Variants in ADGRE5 observed in about 807,000 individuals in gnomAD.
ADGRE5 encodes the protein CD97 molecule.
Under a neutral mutation model 100.3 loss-of-function variants are expected in ADGRE5, and 72 were observed. That is an observed-to-expected ratio of 0.72 (90% CI 0.59 to 0.87). The LOEUF (loss-of-function observed/expected upper bound fraction) is 0.87. Among genes scored for constraint, ADGRE5 ranks in the 40% least tolerant of loss-of-function variants. The pLI is 0.00. For synonymous variants in ADGRE5, 439 were observed against 447.8 expected, an observed-to-expected ratio of 0.98 and a Z score of 0.25; for missense variants, 959 against 1,094.7, an observed-to-expected ratio of 0.88 and a Z score of 1.75.
In ADGRE5 at chr19:14,398,292, A is replaced by C. The variant is rs868788127; in HGVS notation, c.897+153A>C. 15 of 669,550 alleles carry C rather than the reference A, an allele frequency of 2.2e-5. 1 individual carries two copies. In the Middle Eastern group the frequency reaches 2.0e-3, roughly 89 times the overall value. The allele number at this position is 669,550 out of a possible 1,614,324, so 41.5% of individuals were successfully genotyped here. On this transcript the variant is annotated intron_variant, in intron 9 of 19. Transcript: ENST00000242786. The stretch of plus-strand genomic sequence containing the variant: ...CACACACCACATACAGTATGTGCAC[A>C]AACATACACACCCGGACACGTGAAG...
intron 3 of ADGRE5, among the ~76,000 whole-genome samples, chr19:14,389,544 C>A (rs1975519425): frequency 6.6e-6 from 1 of 150,620 alleles, no homozygotes; most frequent in Admixed American, 6.6e-5. Context: ...ACTAGCCTGG[C>A]CAACATGGTG....
At position 14,390,945 on chromosome 19, in the gene ADGRE5, C is replaced by T. The variant is rs141563774; in HGVS notation, c.212C>T (p.Pro71Leu). 30 of 1,614,144 alleles carry T rather than the reference C, an allele frequency of 1.9e-5. No homozygotes were observed. The highest frequency in any genetic ancestry group is 1.1e-4 in the East Asian group (5 of 44,892). The change falls in exon 4 of 20, where the codon CCG becomes CTG. Residue 71 changes from proline (P) to leucine (L), a missense_variant. Pro to Leu is a moderately conservative substitution (Grantham distance 98, BLOSUM62 -3). This residue lies in a region of ADGRE5 where 114 missense variants were observed against 195.7 expected (regional missense o/e 0.58). Transcript: ENST00000242786. ...TCDDINECAT[P>L]SKVSCGKFSD... ...CCAGACATCAACGAGTGTGCAACAC[C>T]GTCGAAAGTGTCATGCGGAAAATTC...
At chr19:14,394,042 G>A (rs1327663789) in intron 4 of ADGRE5, among the ~76,000 whole-genome samples, 2 of 152,188 alleles carry the variant, frequency 1.3e-5, no homozygotes, top group South Asian at 2.1e-4. Flanking sequence ...GGCTAGGGGT[G>A]CCGCCCACCC....
chr19:14,405,734 G>A lies in ADGRE5; in HGVS notation c.1630-14G>A, dbSNP rs200099558. 1.9e-6 allele frequency: 3 copies of A among 1,600,420 alleles called. No homozygotes were observed. The highest frequency in any genetic ancestry group is 1.7e-4 in the Middle Eastern group (1 of 5,994). On this transcript the variant is annotated splice_polypyrimidine_tract_variant and intron_variant, in intron 13 of 19. Transcript: ENST00000242786. The stretch of plus-strand genomic sequence containing the variant: ...TGCCCTGAAGGAACCCTGAGCACCC[G>A]GTGCCACTCCTAGGACTGGAAGCTG...
chr19:14,395,493 C>T (rs1432640493), intron 4 of ADGRE5, among the ~76,000 whole-genome samples: 5 of 152,098 alleles, frequency 3.3e-5, no homozygotes, highest in African/African-American at 1.2e-4. Flanking sequence ...GCAGGGCCCA[C>T]AGGTCTCTGT....
intron 4 of ADGRE5, among the ~76,000 whole-genome samples, chr19:14,394,271 G>A (rs912630640): frequency 3.9e-5 from 6 of 152,278 alleles, no homozygotes; most frequent in Non-Finnish European, 8.8e-5. Context: ...ATGACCAGAG[G>A]TGAGACGCTC....
intron 1 of ADGRE5, among the ~76,000 whole-genome samples, chr19:14,382,099 A>G (rs1040569731): frequency 2.7e-4 from 41 of 151,976 alleles, no homozygotes; most frequent in Admixed American, 2.5e-3. Flanking sequence ...TTTGAATTTG[A>G]TTTTTGTTGT....
rs1041289860 is a variant in ADGRE5, at chr19:14,381,466, C to T, written c.-58C>T. 30 of 1,602,922 alleles carry T rather than the reference C, an allele frequency of 1.9e-5. No homozygotes were observed. Among genetic ancestry groups the T allele is most frequent in the Non-Finnish European group, 2.4e-5 (28 of 1,175,302 alleles). On this transcript the variant is annotated 5_prime_UTR_variant, in exon 1 of 20. The change creates a new upstream start codon in the 5' untranslated region. Coordinates refer to ENST00000242786, the MANE Select transcript of ADGRE5 (RefSeq NM_078481.4). ...TGCACAGCTGCCTAGCCTGTGGAGA[C>T]GGGACAGCCCTGTCCCACTCACTCT...
At chr19:14,381,573 G>C (rs775089878) in intron 1 of ADGRE5, 28 bp downstream of exon 1, 1 of 1,594,230 alleles carries the variant, frequency 6.3e-7, no homozygotes, top group South Asian at 1.1e-5. Context: ...CCGCTGGGAG[G>C]GGCGAGGAAG....
Position 14,393,335 on chromosome 19 carries a change from G to A in ADGRE5, c.346+2256G>A, listed in dbSNP as rs369489220. Among the ~76,000 whole-genome samples, 30 of 152,350 alleles carry A rather than the reference G, an allele frequency of 2.0e-4. No individual in the cohort carries two copies. The East Asian group carries it at 5.8e-3, about 29-fold the overall frequency. On this transcript the variant is annotated intron_variant, in intron 4 of 19. Coordinates refer to ENST00000242786, the MANE Select transcript of ADGRE5 (RefSeq NM_078481.4). ...GGTATCCGTAGGGTGCGAGATCAGA[G>A]AGCAGCTGCAAGGCTCTACCCCTGC...
At position 14,408,276 on chromosome 19, in the gene ADGRE5, C is replaced by A; in HGVS notation, c.*155C>A. The A allele has an allele frequency of 2.4e-6, 2 of 845,580 alleles. No individual in the cohort carries two copies. Among genetic ancestry groups the A allele is most frequent in the Non-Finnish European group, 1.9e-6 (1 of 523,566 alleles). The allele number at this position is 845,580 out of a possible 1,614,324, so 52.4% of individuals were successfully genotyped here. A position where few individuals can be genotyped will look rare whatever the true frequency, so the allele number is the denominator to read the frequency against. ...GGAGGGAGTGGCAGCTATAGTCTGG[C>A]ACCAAAGTCCAGGACACCCAGTGGG... On this transcript the variant is annotated 3_prime_UTR_variant, in exon 20 of 20. Transcript: ENST00000242786.
intron 4 of ADGRE5, among the ~76,000 whole-genome samples, chr19:14,393,826 T>C (rs1975684373): frequency 6.6e-6 from 1 of 152,152 alleles, no homozygotes; most frequent in Non-Finnish European, 1.5e-5. Context: ...GTGGACATCA[T>C]GTTACCCCAC....
chr19:14,406,438 C>G lies in ADGRE5; in HGVS notation c.1929C>G (p.Arg643=). ...EGLELYFLVV[R]VFQGQGLSTR... ...TGGAGCTCTACTTTCTTGTGGTGCG[C>G]GTGTTCCAAGGCCAGGGCCTGAGTA... Residue 643 remains arginine (R), a synonymous_variant, in exon 15 of 20, where the codon CGC becomes CGG. Coordinates refer to ENST00000242786, the MANE Select transcript of ADGRE5 (RefSeq NM_078481.4). This position sits in a 1 kb window ranked among gnomAD's most constrained non-coding sequence, Gnocchi z 6.0. The G allele has an allele frequency of 1.3e-6, 2 of 1,586,050 alleles. No individual in the cohort carries two copies. Among genetic ancestry groups the G allele is most frequent in the Non-Finnish European group, 1.7e-6 (2 of 1,166,520 alleles).
intron 4 of ADGRE5, among the ~76,000 whole-genome samples, chr19:14,395,030 G>A (rs1975724717): frequency 6.6e-6 from 1 of 152,186 alleles, no homozygotes. Context: ...GCTGGGTGCC[G>A]TGACTCATGC....
chr19:14,400,688 A>T (rs1975973692), intron 9 of ADGRE5, among the ~76,000 whole-genome samples: 1 of 152,004 alleles, frequency 6.6e-6, no homozygotes, highest in South Asian at 2.1e-4. Flanking sequence ...GCTACTAGGG[A>T]GGCTGAGGCG....
At chr19:14,390,327 CTT>C (rs1194246206) in intron 3 of ADGRE5, among the ~76,000 whole-genome samples, 17 of 137,754 alleles carry the variant, frequency 1.2e-4, no homozygotes, top group Admixed American at 2.2e-4. Flanking sequence ...TTTTTTTTTC[CTT>C]TTTTTTTTTT....
intron 1 of ADGRE5, 131 bp downstream of exon 1, chr19:14,381,676 GCACT>G: frequency 9.5e-7 from 1 of 1,047,940 alleles, no homozygotes; most frequent in Non-Finnish European, 1.4e-6. Flanking sequence ...GGTCAAGCAG[GCACT>G]CACGGGCACA....
intron 4 of ADGRE5, among the ~76,000 whole-genome samples, chr19:14,393,801 A>G (rs1975683553): frequency 6.6e-6 from 1 of 152,170 alleles, no homozygotes; most frequent in Non-Finnish European, 1.5e-5. Context: ...GCTAGTCCCC[A>G]GGGCCCCCTT....
chr19:14,396,524 G>A (rs755854331), intron 5 of ADGRE5, 51 bp downstream of exon 5: 5 of 1,610,156 alleles, frequency 3.1e-6, no homozygotes, highest in Middle Eastern at 1.7e-4. Context: ...TGGGGATGGA[G>A]CTGAGGCACG....
Sources: allele counts gnomAD v4.1 joint callset (sites outside exome capture counted in the v4.1 genomes callset), GRCh38; gene constraint gnomAD v4.1.1; regional missense constraint gnomAD v4.1.1; non-coding constraint Gnocchi (gnomAD v3.1); transcripts MANE v1.5; gene names NCBI Gene and HGNC (gene_info 2026-07-23, HGNC 2026-07-21).